EYA1: variants seen among roughly 807,000 people sequenced by gnomAD.
EYA1 encodes protein phosphatase EYA1.
A neutral mutation model predicts 82.0 loss-of-function variants in EYA1; 16 were observed. The observed-to-expected ratio is 0.20, with a 90% CI of 0.13 to 0.30. The LOEUF (loss-of-function observed/expected upper bound fraction) is 0.30, where lower values mean the gene tolerates loss of function less well. Ranked by LOEUF, EYA1 falls within the 10% of genes least tolerant of loss-of-function variation. EYA1 has a pLI of 1.00. For missense variants in EYA1, 633 were observed against 730.7 expected (o/e 0.87, Z 1.54); for synonymous variants, 261 against 264.4 (o/e 0.99, Z 0.12).
intron 2 of EYA1, among the ~76,000 whole-genome samples, chr8:71,391,494 C>A (rs1829280270): frequency 2.0e-5 from 3 of 151,816 alleles, no homozygotes; most frequent in Admixed American, 6.6e-5. Context: ...TTTTTTTATT[C>A]TTTGTATGGT....
chr8:71,268,716 T>A (rs1375752581), intron 11 of EYA1, among the ~76,000 whole-genome samples: 1 of 152,200 alleles, frequency 6.6e-6, no homozygotes, highest in African/African-American at 2.4e-5. Flanking sequence ...ACCTTTGAGA[T>A]GATGAAAAGG....
intron 2 of EYA1, among the ~76,000 whole-genome samples, chr8:71,483,207 C>T (rs1810305565): frequency 6.6e-6 from 1 of 152,168 alleles, no homozygotes; most frequent in South Asian, 2.1e-4. Context: ...GTCCCAGGGC[C>T]TCTGCCCTGG....
chr8:71,231,109 A>G (rs1333705784), intron 12 of EYA1, among the ~76,000 whole-genome samples: 2 of 152,224 alleles, frequency 1.3e-5, no homozygotes, highest in East Asian at 3.8e-4. Context: ...AGACTGGCTC[A>G]CTGAATAGTT....
chr8:71,535,961 A>C (rs1031405841), intron 1 of EYA1: 3 of 402,802 alleles, frequency 7.4e-6, no homozygotes, highest in African/African-American at 4.1e-5. Flanking sequence ...AGTCAAGAAC[A>C]CTTACCTTCA....
At chr8:71,392,264 G>A (rs66523418) in intron 2 of EYA1, among the ~76,000 whole-genome samples, 35,903 of 152,000 alleles carry the variant, frequency 0.24, 4,893 homozygotes, top group Middle Eastern at 0.33. Context: ...CTTTACCCCC[G>A]CACCCTTTGG....
intron 11 of EYA1, among the ~76,000 whole-genome samples, chr8:71,248,015 G>A (rs573770597): frequency 2.0e-5 from 3 of 152,124 alleles, no homozygotes; most frequent in Non-Finnish European, 2.9e-5. Context: ...ACCATTGAAA[G>A]AATTACTCTA....
intron 4 of EYA1, among the ~76,000 whole-genome samples, chr8:71,326,770 G>A (rs1823198483): frequency 6.6e-6 from 1 of 152,082 alleles, no homozygotes; most frequent in South Asian, 2.1e-4. Flanking sequence ...GGCTCTTCTA[G>A]GAAGATGTGA....
At chr8:71,382,974 T>A (rs1329012092) in intron 2 of EYA1, among the ~76,000 whole-genome samples, 1 of 152,144 alleles carries the variant, frequency 6.6e-6, no homozygotes, top group Non-Finnish European at 1.5e-5. Flanking sequence ...AAATTGTGCT[T>A]TAAAAAATTC....
rs1812852541 is a variant in EYA1 at position 71,244,591 on chromosome 8, A to C, written c.1140+12T>G. On this transcript the variant is annotated intron_variant, in intron 12 of 17. Coordinates refer to ENST00000340726, the MANE Select transcript of EYA1 (RefSeq NM_000503.6). ...AGACATGCAAAAATATGTATTAAAA[A>C]TTAGAACTTACTTCTAAGTCATTAA... 1 of 1,422,970 alleles carries C rather than the reference A, an allele frequency of 7.0e-7. No individual in the cohort carries two copies. The highest frequency in any genetic ancestry group is 1.7e-5 in the Admixed American group (1 of 58,032). The allele number at this position is 1,422,970 out of a possible 1,614,324, so 88.1% of individuals were successfully genotyped here.
chr8:71,368,979 G>A (rs1827922542), intron 2 of EYA1, among the ~76,000 whole-genome samples: 1 of 147,864 alleles, frequency 6.8e-6, no homozygotes, highest in South Asian at 2.1e-4. Flanking sequence ...ACAAGGTCAG[G>A]AGTTCGAGAC....
chr8:71,489,236 C>G (rs769021899), intron 2 of EYA1, among the ~76,000 whole-genome samples: 2 of 151,950 alleles, frequency 1.3e-5, no homozygotes, highest in Non-Finnish European at 1.5e-5. Context: ...GAGCCACTCT[C>G]TTTTAGGGCT....
intron 1 of EYA1, among the ~76,000 whole-genome samples, chr8:71,543,379 C>T (rs996142292): frequency 6.6e-6 from 1 of 152,134 alleles, no homozygotes; most frequent in Non-Finnish European, 1.5e-5. Flanking sequence ...GTAGTGTTTA[C>T]ATGGGTGTAC....
rs1013399565 is a variant in EYA1, at chr8:71,198,719, C to A, written c.*621G>T. The A allele has an allele frequency of 5.7e-5, 9 of 157,454 alleles. No homozygotes were observed. Among genetic ancestry groups the A allele is most frequent in the African/African-American group, 2.2e-4 (9 of 41,448 alleles). The allele number at this position is 157,454 out of a possible 1,614,324, so 9.8% of individuals were successfully genotyped here. ...GCTAAAATTCAAAGTACTGTACTTG[C>A]CATGTTGTGAGGCAGAGGCCTTTAA... On this transcript the variant is annotated 3_prime_UTR_variant, in exon 18 of 18. Transcript: ENST00000340726.
At chr8:71,265,530 A>G (rs1815692574) in intron 11 of EYA1, among the ~76,000 whole-genome samples, 1 of 152,228 alleles carries the variant, frequency 6.6e-6, no homozygotes, top group East Asian at 1.9e-4. Context: ...CAATAAAAAG[A>G]TAGTGTTGAA....
At position 71,317,614 on chromosome 8, in the gene EYA1, C is replaced by A. The variant is rs1377460458; in HGVS notation, c.494G>T (p.Ser165Ile). 1 of 1,614,156 alleles carries A rather than the reference C, an allele frequency of 6.2e-7. No individual in the cohort carries two copies. The highest frequency in any genetic ancestry group is 1.1e-5 in the South Asian group (1 of 91,090). ...SQSPGQTGFL[S>I]YGTSFSTPQP... ...AGGGGTACTGAAGCTTGTGCCATAG[C>A]TGAGAAATCCTGTCTGTCCAGGTGA... The change falls in exon 7 of 18, where the codon AGC becomes ATC. Residue 165 changes from serine (S) to isoleucine (I), a missense_variant. Ser to Ile is a moderately radical substitution (Grantham distance 142). Coordinates refer to ENST00000340726, the MANE Select transcript of EYA1 (RefSeq NM_000503.6).
chr8:71,245,215 C>G (rs1812934076), intron 11 of EYA1, among the ~76,000 whole-genome samples: 2 of 152,006 alleles, frequency 1.3e-5, no homozygotes. Context: ...TCTTATAACA[C>G]TATGTTTTAA....
chr8:71,488,018 T>C (rs1810699316), intron 2 of EYA1, among the ~76,000 whole-genome samples: 1 of 152,120 alleles, frequency 6.6e-6, no homozygotes, highest in South Asian at 2.1e-4. Context: ...AGCAATTTTA[T>C]TCACAACAAC....
intron 2 of EYA1, among the ~76,000 whole-genome samples, chr8:71,502,453 A>C (rs749970854): frequency 1.2e-4 from 18 of 152,346 alleles, no homozygotes; most frequent in Non-Finnish European, 1.9e-4. Flanking sequence ...TGCCATATTT[A>C]GTGAATAAAA....
intron 12 of EYA1, among the ~76,000 whole-genome samples, chr8:71,230,680 A>G (rs1023967242): frequency 6.6e-6 from 1 of 152,228 alleles, no homozygotes; most frequent in African/African-American, 2.4e-5. Context: ...CACCCAACAG[A>G]ATAGAGAAAC....
Sources: allele counts gnomAD v4.1 joint callset (sites outside exome capture counted in the v4.1 genomes callset), GRCh38; gene constraint gnomAD v4.1.1; transcripts MANE v1.5; gene names NCBI Gene and HGNC (gene_info 2026-07-23, HGNC 2026-07-21).